HECW2: variants seen among roughly 807,000 people sequenced by gnomAD.
The protein encoded by HECW2 is HECT, C2 and WW domain containing E3 ubiquitin protein ligase 2, also known as E3 ubiquitin-protein ligase HECW2.
In HECW2, 61 loss-of-function variants were observed where a neutral mutation model predicts 175.2. The observed-to-expected ratio is 0.35, with a 90% CI of 0.28 to 0.43. The LOEUF (loss-of-function observed/expected upper bound fraction) is 0.43. Among genes scored for constraint, HECW2 ranks in the 20% least tolerant of loss-of-function variants. HECW2 has a pLI of 1.00. For missense variants in HECW2, 1,524 were observed against 2,000.5 expected (o/e 0.76, Z 4.54); for synonymous variants, 671 against 731.0 (o/e 0.92, Z 1.32).
At chr2:196,486,114 T>C (rs111857795) in intron 1 of HECW2, among the ~76,000 whole-genome samples, 76 of 152,244 alleles carry the variant, frequency 5.0e-4, no homozygotes, top group South Asian at 4.8e-3. Flanking sequence ...GGTGATAGTC[T>C]AGATTGGGAT....
intron 2 of HECW2, among the ~76,000 whole-genome samples, chr2:196,376,724 A>G (rs987818553): frequency 2.0e-5 from 3 of 151,884 alleles, no homozygotes; most frequent in African/African-American, 7.3e-5. Flanking sequence ...ACCTGAGGTC[A>G]GGAGTTCGAG....
At chr2:196,212,523 A>G (rs1208603255) in intron 28 of HECW2, among the ~76,000 whole-genome samples, 1 of 152,142 alleles carries the variant, frequency 6.6e-6, no homozygotes, top group East Asian at 1.9e-4. Flanking sequence ...AAAGAACATG[A>G]TCTCATTCTT....
chr2:196,278,047 C>T (rs74394547), intron 15 of HECW2, among the ~76,000 whole-genome samples: 67,285 of 128,734 alleles, frequency 0.52, 20,995 homozygotes, highest in East Asian at 0.8. Flanking sequence ...TTAATGGGTG[C>T]AGCACACCAA....
chr2:196,382,960 T>C (rs1694249126), intron 2 of HECW2, among the ~76,000 whole-genome samples: 1 of 152,212 alleles, frequency 6.6e-6, no homozygotes, highest in Non-Finnish European at 1.5e-5. Flanking sequence ...AAACTATATT[T>C]TTCATAAGAC....
chr2:196,536,646 A>T (rs1192586453), intron 1 of HECW2, among the ~76,000 whole-genome samples: 2 of 152,176 alleles, frequency 1.3e-5, no homozygotes, highest in Non-Finnish European at 2.9e-5. Flanking sequence ...AGCTTGAAGG[A>T]AAAAAGGAGA....
At chr2:196,261,121 TC>T (rs1334954459) in intron 17 of HECW2, among the ~76,000 whole-genome samples, 1 of 152,068 alleles carries the variant, frequency 6.6e-6, no homozygotes, top group East Asian at 1.9e-4. Flanking sequence ...ATAACACCAG[TC>T]CCCATCTGCC....
intron 2 of HECW2, among the ~76,000 whole-genome samples, chr2:196,409,099 G>T (rs1029912283): frequency 1.3e-5 from 2 of 152,110 alleles, no homozygotes; most frequent in Admixed American, 6.5e-5. Context: ...AAATACTACA[G>T]ACCAGGGTTT....
chr2:196,426,506 AT>A lies in HECW2; in HGVS notation c.292+6625del, dbSNP rs376864656. Among the ~76,000 whole-genome samples the A allele has an allele frequency of 3.8e-3, 564 of 147,190 alleles. 2 individuals are homozygous for A. The highest frequency in any genetic ancestry group is 0.021 in the Middle Eastern group (6 of 280). On this transcript the variant is annotated intron_variant, in intron 2 of 28. Transcript: ENST00000644978. ...ATTTCCATGATAATTAGTGATGTTG[AT>A]TTTTTTTTTTAATATACCTGTTGGA...
intron 17 of HECW2, chr2:196,260,471 A>G (rs556889053): frequency 6.6e-6 from 1 of 152,348 alleles, no homozygotes; most frequent in South Asian, 2.1e-4. Flanking sequence ...TGGGAATCCA[A>G]TGGGGAGTAA....
chr2:196,343,807 T>G (rs6716054), intron 2 of HECW2, 43 bp from the exon 3 acceptor site: 294,337 of 1,187,900 alleles, frequency 0.25, 42,411 homozygotes, highest in African/African-American at 0.61. Flanking sequence ...ATTATAACCT[T>G]TCTCTCCGTA....
chr2:196,459,886 C>T (rs1235993047), intron 1 of HECW2, among the ~76,000 whole-genome samples: 3 of 152,098 alleles, frequency 2.0e-5, no homozygotes, highest in African/African-American at 4.8e-5. Context: ...CCATGGGTCC[C>T]CTGGTGAAGG....
chr2:196,241,973 G>T, intron 20 of HECW2, 111 bp downstream of exon 20: 4 of 929,158 alleles, frequency 4.3e-6, no homozygotes, highest in South Asian at 1.7e-5. Flanking sequence ...TAATTATGCC[G>T]ACTAAAATGA....
chr2:196,466,373 T>C (rs192886360), intron 1 of HECW2, among the ~76,000 whole-genome samples: 172 of 152,304 alleles, frequency 1.1e-3, no homozygotes, highest in Middle Eastern at 3.4e-3. Flanking sequence ...CAAAATGTTA[T>C]CCAAATCCAT....
intron 1 of HECW2, among the ~76,000 whole-genome samples, chr2:196,481,958 T>G (rs1410177226): frequency 1.3e-5 from 2 of 152,216 alleles, no homozygotes; most frequent in African/African-American, 2.4e-5. Context: ...TTCTCACTTT[T>G]TCTGTATGCC....
intron 20 of HECW2, among the ~76,000 whole-genome samples, chr2:196,241,389 T>C (rs1436335264): frequency 1.3e-5 from 2 of 152,156 alleles, no homozygotes; most frequent in East Asian, 1.9e-4. Flanking sequence ...CAGTGAGCCA[T>C]GGGGCTGCTG....
intron 1 of HECW2, among the ~76,000 whole-genome samples, chr2:196,526,819 G>A (rs1262756037): frequency 6.6e-6 from 1 of 152,060 alleles, no homozygotes; most frequent in Non-Finnish European, 1.5e-5. Context: ...CCCACTTGAG[G>A]AGGCAGTCTG....
At chr2:196,396,073 G>A (rs1331512882) in intron 2 of HECW2, among the ~76,000 whole-genome samples, 4 of 152,144 alleles carry the variant, frequency 2.6e-5, no homozygotes, top group African/African-American at 4.8e-5. Flanking sequence ...GCTACAACAT[G>A]GATGAACTCT....
At chr2:196,534,534 A>T (rs1423993021) in intron 1 of HECW2, among the ~76,000 whole-genome samples, 2 of 152,216 alleles carry the variant, frequency 1.3e-5, no homozygotes, top group Admixed American at 1.3e-4. Flanking sequence ...CGGGGTTGAA[A>T]TGATAGCTGA....
intron 1 of HECW2, among the ~76,000 whole-genome samples, chr2:196,578,255 T>C (rs1025834996): frequency 6.6e-6 from 1 of 152,112 alleles, no homozygotes; most frequent in African/African-American, 2.4e-5. Context: ...CAATAGTAGA[T>C]TTGAACAGGC....
Sources: gnomAD v4.1 joint callset for allele counts (sites outside exome capture counted in the v4.1 genomes callset) on GRCh38, gnomAD v4.1.1 for gene constraint, MANE v1.5 for transcripts, NCBI Gene and HGNC (gene_info 2026-07-23, HGNC 2026-07-21) for gene names.